The following FAAH variants were observed in gnomAD, a reference collection of about 807,000 sequenced individuals.
FAAH encodes fatty acid amide hydrolase.
In FAAH, 63 loss-of-function variants were observed where a neutral mutation model predicts 69.7. That is an observed-to-expected ratio of 0.90 (90% CI 0.74 to 1.12). The LOEUF (loss-of-function observed/expected upper bound fraction) is 1.12. FAAH is among the 50% of genes most tolerant of loss of function. The probability of loss-of-function intolerance (pLI) is 0.00; values close to 1 mark genes in which losing one functional copy is unlikely to be tolerated. For synonymous variants in FAAH, 305 were observed against 324.2 expected (o/e 0.94, Z 0.64); for missense variants, 680 against 755.0 (o/e 0.90, Z 1.16).
In FAAH at chr1:46,410,645, C is replaced by A; in HGVS notation, c.1275+148C>A. On this transcript the variant is annotated intron_variant, in intron 10 of 14. Coordinates refer to ENST00000243167, the MANE Select transcript of FAAH (RefSeq NM_001441.3). The surrounding 1 kb of genome is among the most constrained non-coding windows in gnomAD (Gnocchi z 4.9). ...CTCCAGTCCCCACCCAGACTGCTCT[C>A]CTCCTCTGTCCCCTGCGATCTTCAG... The A allele has an allele frequency of 9.2e-7, 1 of 1,083,572 alleles. No individual in the cohort carries two copies. Among genetic ancestry groups the A allele is most frequent in the Non-Finnish European group, 1.4e-6 (1 of 705,254 alleles). 67.1% of individuals were successfully genotyped at this position (1,083,572 alleles called of 1,614,324 possible).
In FAAH at chr1:46,408,479, C is replaced by T. The variant is rs1170097778; in HGVS notation, c.972C>T (p.Pro324=). The change falls in exon 8 of 15, where the codon CCC becomes CCT. Residue 324 remains proline, a synonymous_variant. Transcript: ENST00000243167. ...FREEVYTSSQ[P]LRVGYYETDN... ...TCCAGGTCTACACCAGCTCTCAGCCCCTGCGTGTGGGGTACTATGAGACTG... is the reference window on the plus strand; with the variant it reads ...TCCAGGTCTACACCAGCTCTCAGCCTCTGCGTGTGGGGTACTATGAGACTG... 8 of 1,614,168 alleles carry T rather than the reference C, an allele frequency of 5.0e-6. No individual in the cohort carries two copies. In the East Asian group the frequency reaches 1.6e-4, roughly 31 times the overall value.
intron 1 of FAAH, among the ~76,000 whole-genome samples, chr1:46,399,162 C>G (rs1032355142): frequency 1.3e-5 from 2 of 152,112 alleles, no homozygotes; most frequent in Non-Finnish European, 2.9e-5. Context: ...CTCTTACAAC[C>G]CGCTTATCAA....
rs375188982 is a variant in FAAH at position 46,409,082 on chromosome 1, C to T, written c.1078-19C>T. 130 of 1,605,686 alleles carry T rather than the reference C, an allele frequency of 8.1e-5. No individual in the cohort carries two copies. The highest frequency in any genetic ancestry group is 1.1e-4 in the Non-Finnish European group (126 of 1,172,502). On this transcript the variant is annotated intron_variant, in intron 8 of 14. Transcript: ENST00000243167. ...CCAGTTGTTAGGTCAGGAGGCCTTA[C>T]ACCCCTCAATCCCTGCAGCTGGTTC... is the stretch of plus-strand genomic sequence containing the variant.
Position 46,413,830 on chromosome 1 carries a change from T to C in FAAH, c.*255T>C. The C allele has an allele frequency of 1.9e-6, 1 of 525,758 alleles. No homozygotes were observed. Among genetic ancestry groups the C allele is most frequent in the Non-Finnish European group, 3.5e-6 (1 of 289,822 alleles). The allele number at this position is 525,758 out of a possible 1,614,324, so 32.6% of individuals were successfully genotyped here. On this transcript the variant is annotated 3_prime_UTR_variant, in exon 15 of 15. Coordinates refer to ENST00000243167, the MANE Select transcript of FAAH (RefSeq NM_001441.3). ...GGTATGACATAGGCCAAGGCCCAAC[T>C]AACAGTCAAGAAACAGCTCCTCGTC...
chr1:46,398,413 C>A (rs1284150165), intron 1 of FAAH, among the ~76,000 whole-genome samples: 3 of 152,200 alleles, frequency 2.0e-5, no homozygotes, highest in Non-Finnish European at 2.9e-5. Context: ...GCTCTTAGCC[C>A]AGCCCTGAAT....
chr1:46,395,503 T>C lies in FAAH; in HGVS notation c.195+960T>C, dbSNP rs544121878. 4.6e-5 allele frequency among the ~76,000 whole-genome samples: 7 copies of C among 152,288 alleles called. 1 individual carries two copies. The South Asian group carries it at 8.3e-4, about 18-fold the overall frequency. On this transcript the variant is annotated intron_variant, in intron 1 of 14. Coordinates refer to ENST00000243167, the MANE Select transcript of FAAH (RefSeq NM_001441.3). ...GGCGTGGAAGGGCCTGGCTGAGGGTTTGGAAGATGTGGCTTGAAGAGGGGC... is the reference window on the plus strand; with the variant it reads ...GGCGTGGAAGGGCCTGGCTGAGGGTCTGGAAGATGTGGCTTGAAGAGGGGC...
intron 1 of FAAH, among the ~76,000 whole-genome samples, chr1:46,396,326 C>T (rs1569802766): frequency 6.6e-6 from 1 of 152,242 alleles, no homozygotes; most frequent in Admixed American, 6.5e-5. Flanking sequence ...TTTACACTGA[C>T]ACATTCCATT....
chr1:46,406,123 G>A, intron 6 of FAAH, 45 bp downstream of exon 6: 1 of 1,613,798 alleles, frequency 6.2e-7, no homozygotes, highest in Non-Finnish European at 8.5e-7. Flanking sequence ...GGTGGGGGTC[G>A]GCCTGACCCG....
chr1:46,413,173 C>T lies in FAAH; in HGVS notation c.1564C>T (p.His522Tyr). The T allele has an allele frequency of 6.2e-7, 1 of 1,614,174 alleles. No homozygotes were observed. The highest frequency in any genetic ancestry group is 2.2e-5 in the East Asian group (1 of 44,890). The change falls in exon 14 of 15, where the codon CAT becomes TAT. Residue 522 changes from histidine to tyrosine, a missense_variant. Physicochemically the swap from His to Tyr is moderately conservative, Grantham distance 83. Transcript: ENST00000243167. ...TGCTGAGGACGAGGCCCAGATGGAA[C>T]ATTACAGGGGCTACTTTGGGGATAT... ...VTAEDEAQMEHYRGYFGDIWD... is the reference protein window; with the variant it reads ...VTAEDEAQMEYYRGYFGDIWD...
chr1:46,404,711 C>T lies in FAAH; in HGVS notation c.310-303C>T, dbSNP rs964010796. ...GGAGTGGCCAGTGGTCATCTTCCTC[C>T]CAGCTCACCCCCTACCTGGGGGGCA... On this transcript the variant is annotated intron_variant, in intron 2 of 14. Transcript: ENST00000243167. This position sits in a 1 kb window ranked among gnomAD's most constrained non-coding sequence, Gnocchi z 4.5. 3.9e-5 allele frequency among the ~76,000 whole-genome samples: 6 copies of T among 152,144 alleles called. No individual in the cohort carries two copies. Among genetic ancestry groups the T allele is most frequent in the African/African-American group, 1.4e-4 (6 of 41,428 alleles).
Position 46,413,147 on chromosome 1 carries a change from C to T in FAAH, c.1538C>T (p.Thr513Ile). 6.2e-7 allele frequency: 1 copy of T among 1,614,206 alleles called. No individual in the cohort carries two copies. The highest frequency in any genetic ancestry group is 8.5e-7 in the Non-Finnish European group (1 of 1,180,036). The change falls in exon 14 of 15, where the codon ACT becomes ATT. Residue 513 changes from threonine to isoleucine, a missense_variant. Thr to Ile is a moderately conservative substitution (Grantham distance 89). Transcript: ENST00000243167. ...GGGGTGGTGCCTGTCACCACGGTGA[C>T]TGCTGAGGACGAGGCCCAGATGGAA... is the stretch of plus-strand genomic sequence containing the variant. ...PAGVVPVTTVTAEDEAQMEHY... is the reference protein window; with the variant it reads ...PAGVVPVTTVIAEDEAQMEHY...
intron 1 of FAAH, 147 bp from the exon 2 acceptor site, chr1:46,401,944 A>G: frequency 4.1e-6 from 3 of 726,378 alleles, no homozygotes; most frequent in Admixed American, 2.1e-5. Flanking sequence ...AAGCTTCTGG[A>G]GGAGACAGAG....
chr1:46,402,347 T>C, intron 2 of FAAH, 143 bp downstream of exon 2: 1 of 754,122 alleles, frequency 1.3e-6, no homozygotes, highest in Non-Finnish European at 2.3e-6. Context: ...TGGTGGGACC[T>C]ACAGTGCCAG....
At position 46,410,534 on chromosome 1, in the gene FAAH, G is replaced by A. The variant is rs200522724; in HGVS notation, c.1275+37G>A. ...AGGAGTGGAGGGGCTAGGATGGCTG[G>A]GGGGGAACCTAGGGCCTCCTATCGC... On this transcript the variant is annotated intron_variant, in intron 10 of 14. Transcript: ENST00000243167. The surrounding 1 kb of genome is among the most constrained non-coding windows in gnomAD (Gnocchi z 4.9). 7.0e-6 allele frequency: 11 copies of A among 1,578,950 alleles called. No homozygotes were observed. The African/African-American group carries it at 1.2e-4, about 17-fold the overall frequency.
chr1:46,395,794 G>C (rs958197882), intron 1 of FAAH, among the ~76,000 whole-genome samples: 2 of 152,224 alleles, frequency 1.3e-5, no homozygotes, highest in Non-Finnish European at 2.9e-5. Flanking sequence ...CCACACTTTC[G>C]TGGAGAGGAA....
intron 9 of FAAH, among the ~76,000 whole-genome samples, chr1:46,409,720 G>T (rs1486692734): frequency 2.6e-5 from 4 of 152,184 alleles, no homozygotes. Flanking sequence ...CAGGGGCAGA[G>T]AACAGGCCTG....
rs1424739861 is a variant in FAAH, at chr1:46,402,221, C to A, written c.309+17C>A. ...GTGGGAAAGGTAAGGCCAGCCAAGG[C>A]CAGCCCCTCCCTGGGAAAGGTAAGG... is the stretch of plus-strand genomic sequence containing the variant. On this transcript the variant is annotated intron_variant, in intron 2 of 14. Transcript: ENST00000243167. 2 of 1,560,052 alleles carry A rather than the reference C, an allele frequency of 1.3e-6. No homozygotes were observed. The highest frequency in any genetic ancestry group is 8.7e-7 in the Non-Finnish European group (1 of 1,153,098).
At position 46,411,487 on chromosome 1, in the gene FAAH, G is replaced by A. The variant is rs1047737444; in HGVS notation, c.1317-125G>A. 3.9e-6 allele frequency: 4 copies of A among 1,029,848 alleles called. No individual in the cohort carries two copies. In the African/African-American group the frequency reaches 4.8e-5, roughly 12 times the overall value. The allele number at this position is 1,029,848 out of a possible 1,614,324, so 63.8% of individuals were successfully genotyped here. On this transcript the variant is annotated intron_variant, in intron 11 of 14. Transcript: ENST00000243167. The surrounding 1 kb of genome is among the most constrained non-coding windows in gnomAD (Gnocchi z 4.8). ...TAGGGGTTTGAACTTCCCTCTCAGA[G>A]CTCCCATGGGGTTGTGAAGGGTCCA...
chr1:46,402,744 A>G (rs1664726767), intron 2 of FAAH, among the ~76,000 whole-genome samples: 4 of 148,740 alleles, frequency 2.7e-5, no homozygotes, highest in East Asian at 2.0e-4. Context: ...CCAGGCTGGA[A>G]TGCAGTGGCA....
Sources: allele counts gnomAD v4.1 joint callset (sites outside exome capture counted in the v4.1 genomes callset), GRCh38; gene constraint gnomAD v4.1.1; non-coding constraint Gnocchi (gnomAD v3.1); transcripts MANE v1.5; gene names NCBI Gene and HGNC (gene_info 2026-07-23, HGNC 2026-07-21).